Variants in EYA1 observed in about 807,000 individuals in gnomAD.
EYA1 encodes the protein EYA transcriptional coactivator and phosphatase 1, also known as protein phosphatase EYA1.
Under a neutral mutation model 82.0 loss-of-function variants are expected in EYA1, and 16 were observed. The ratio of observed to expected loss-of-function variants is 0.20; its 90% CI spans 0.13 to 0.30. The LOEUF (loss-of-function observed/expected upper bound fraction) is 0.30, where lower values mean the gene tolerates loss of function less well. EYA1 is among the 10% of genes least tolerant of loss of function. The pLI is 1.00. For synonymous variants in EYA1, 261 were observed against 264.4 expected (o/e 0.99, Z 0.12); for missense variants, 633 against 730.7 (o/e 0.87, Z 1.54).
rs187335464 is a variant in EYA1, at chr8:71,405,711, T to C, written c.34-49200A>G. Among the ~76,000 whole-genome samples, 349 of 152,298 alleles carry C rather than the reference T, an allele frequency of 2.3e-3. 2 individuals carry two copies. The highest frequency in any genetic ancestry group is 8.2e-3 in the African/African-American group (342 of 41,574). On this transcript the variant is annotated intron_variant, in intron 2 of 18. Coordinates refer to the EYA1 transcript ENST00000643681. ...ACCTTCCTTGGATATTAAGCTTCTA[T>C]GATCTGGGTGCTTTTCCGTTGTTAT...
chr8:71,265,633 C>A (rs116833323), intron 11 of EYA1, among the ~76,000 whole-genome samples: 1 of 152,152 alleles, frequency 6.6e-6, no homozygotes, highest in Non-Finnish European at 1.5e-5. Context: ...ATTTGAAATA[C>A]AAGTTTTGGG....
At chr8:71,457,691 C>T (rs1301472416) in intron 2 of EYA1, among the ~76,000 whole-genome samples, 1 of 152,116 alleles carries the variant, frequency 6.6e-6, no homozygotes, top group African/African-American at 2.4e-5. Context: ...TGTTCTCACT[C>T]ATAGGTGGGA....
At chr8:71,500,066 G>A (rs1254461669) in intron 2 of EYA1, among the ~76,000 whole-genome samples, 1 of 152,156 alleles carries the variant, frequency 6.6e-6, no homozygotes, top group Non-Finnish European at 1.5e-5. Context: ...GTCAATTTCA[G>A]GCATGTTTAA....
chr8:71,496,789 T>C (rs1811445768), intron 2 of EYA1, among the ~76,000 whole-genome samples: 1 of 152,138 alleles, frequency 6.6e-6, no homozygotes, highest in South Asian at 2.1e-4. Flanking sequence ...GGAAACCAAT[T>C]GTGTCAGTCG....
At chr8:71,359,275 T>C (rs1586539250) in intron 1 of EYA1, among the ~76,000 whole-genome samples, 1 of 152,208 alleles carries the variant, frequency 6.6e-6, no homozygotes, top group African/African-American at 2.4e-5. Context: ...GATGTAACTT[T>C]TGTTGATATT....
intron 2 of EYA1, among the ~76,000 whole-genome samples, chr8:71,534,282 G>A (rs1400741652): frequency 6.6e-6 from 1 of 152,156 alleles, no homozygotes; most frequent in African/African-American, 2.4e-5. Flanking sequence ...AAATATCACA[G>A]ACCCAACATA....
chr8:71,260,394 T>C lies in EYA1; in HGVS notation c.1050+9346A>G, dbSNP rs576129943. 1.8e-4 allele frequency among the ~76,000 whole-genome samples: 27 copies of C among 152,328 alleles called. 1 individual carries two copies. In the South Asian group the frequency reaches 5.4e-3, roughly 30 times the overall value. ...TTATTTTGCCTTTTAATTCTTATCC[T>C]ATTATTTTCAATTTATAAGTACATT... is the stretch of plus-strand genomic sequence containing the variant. On this transcript the variant is annotated intron_variant, in intron 11 of 17. Coordinates refer to ENST00000340726, the MANE Select transcript of EYA1 (RefSeq NM_000503.6).
chr8:71,348,091 C>G (rs1161871889), intron 3 of EYA1, among the ~76,000 whole-genome samples: 2 of 151,982 alleles, frequency 1.3e-5, no homozygotes, highest in Non-Finnish European at 2.9e-5. Flanking sequence ...TTTTCCTACC[C>G]AAACCAAAAA....
At chr8:71,334,282 A>G (rs1419634647) in intron 3 of EYA1, 108 bp from the exon 4 acceptor site, 1 of 915,614 alleles carries the variant, frequency 1.1e-6, no homozygotes, top group Non-Finnish European at 1.8e-6. Context: ...ATTTCAAAAA[A>G]CATTTTCCCT....
At chr8:71,454,681 C>G (rs1187361271) in intron 2 of EYA1, among the ~76,000 whole-genome samples, 2 of 152,092 alleles carry the variant, frequency 1.3e-5, no homozygotes, top group Non-Finnish European at 2.9e-5. Context: ...TGGGTACATA[C>G]TGAAATGAAG....
intron 2 of EYA1, among the ~76,000 whole-genome samples, chr8:71,474,204 A>G (rs932022501): frequency 3.3e-5 from 5 of 151,792 alleles, no homozygotes; most frequent in Non-Finnish European, 7.4e-5. Context: ...AAATTAAAAA[A>G]AAAAAAAAAA....
chr8:71,346,456 C>CATATATA (rs1563507906), intron 3 of EYA1, among the ~76,000 whole-genome samples: 1 of 101,820 alleles, frequency 9.8e-6, no homozygotes, highest in African/African-American at 4.4e-5. Flanking sequence ...ATATATATAT[C>CATATATA]TATATATATC....
intron 2 of EYA1, among the ~76,000 whole-genome samples, chr8:71,383,667 T>C (rs890525508): frequency 6.6e-6 from 1 of 152,106 alleles, no homozygotes; most frequent in Non-Finnish European, 1.5e-5. Context: ...CACCTACAGA[T>C]ATAGATATGT....
At chr8:71,495,328 T>C (rs187654394) in intron 2 of EYA1, among the ~76,000 whole-genome samples, 1 of 152,174 alleles carries the variant, frequency 6.6e-6, no homozygotes, top group South Asian at 2.1e-4. Flanking sequence ...TCAGTAAAAT[T>C]TAGGGCTGGG....
At chr8:71,199,462 G>A in intron 17 of EYA1, 42 bp from the exon 18 acceptor site, 1 of 1,475,344 alleles carries the variant, frequency 6.8e-7, no homozygotes, top group Non-Finnish European at 9.4e-7. Flanking sequence ...AGAGCACCCA[G>A]CGCCAGCCCT....
chr8:71,480,550 T>C (rs1478377170), intron 2 of EYA1, among the ~76,000 whole-genome samples: 1 of 152,128 alleles, frequency 6.6e-6, no homozygotes, highest in Non-Finnish European at 1.5e-5. Flanking sequence ...AACAATTTAT[T>C]TACCTTCTAA....
intron 2 of EYA1, among the ~76,000 whole-genome samples, chr8:71,449,953 G>C (rs1312020034): frequency 6.6e-6 from 1 of 152,160 alleles, no homozygotes; most frequent in African/African-American, 2.4e-5. Context: ...ATGTCTGTTA[G>C]CTTCAAACTT....
At chr8:71,509,150 G>A (rs1812413062) in intron 2 of EYA1, among the ~76,000 whole-genome samples, 1 of 152,028 alleles carries the variant, frequency 6.6e-6, no homozygotes, top group African/African-American at 2.4e-5. Flanking sequence ...AATCCCTTGA[G>A]CCCAAGACGT....
intron 2 of EYA1, among the ~76,000 whole-genome samples, chr8:71,384,192 A>G (rs551645492): frequency 6.6e-6 from 1 of 152,266 alleles, no homozygotes; most frequent in Non-Finnish European, 1.5e-5. Context: ...GGTTGTTTTC[A>G]TGTTGCTTAC....
Sources: allele counts gnomAD v4.1 joint callset (sites outside exome capture counted in the v4.1 genomes callset), GRCh38; gene constraint gnomAD v4.1.1; transcripts MANE v1.5; gene names NCBI Gene and HGNC (gene_info 2026-07-23, HGNC 2026-07-21).